PPP6R2: variants seen among roughly 807,000 people sequenced by gnomAD.
PPP6R2 encodes protein phosphatase 6 regulatory subunit 2.
A neutral mutation model predicts 100.2 loss-of-function variants in PPP6R2; 62 were observed. The ratio of observed to expected loss-of-function variants is 0.62; its 90% CI spans 0.50 to 0.76. The LOEUF is 0.76. Among genes scored for constraint, PPP6R2 ranks in the 30% least tolerant of loss-of-function variants. PPP6R2 has a pLI of 0.00. For missense variants in PPP6R2, 1,142 were observed against 1,276.3 expected (o/e 0.89, Z 1.60); for synonymous variants, 525 against 514.7 (o/e 1.02, Z -0.27).
chr22:50,352,957 G>C lies in PPP6R2; in HGVS notation c.-148+9407G>C, dbSNP rs149006693. 7.6e-3 allele frequency among the ~76,000 whole-genome samples: 1,151 copies of C among 152,222 alleles called. 14 individuals are homozygous for C. Among genetic ancestry groups the C allele is most frequent in the African/African-American group, 0.026 (1,094 of 41,536 alleles). On this transcript the variant is annotated intron_variant, in intron 1 of 23. Coordinates refer to ENST00000612753, the MANE Select transcript of PPP6R2 (RefSeq NM_001242898.2). ...TGCATGCCTATAGTCCCAGCTACTG[G>C]GGAGGCTGAGGTAGGAGGATGGCTT...
chr22:50,362,440 T>C, intron 1 of PPP6R2, among the ~76,000 whole-genome samples: 1 of 152,150 alleles, frequency 6.6e-6, no homozygotes, highest in Non-Finnish European at 1.5e-5. Flanking sequence ...CTTGAAGACC[T>C]TGGAATGTGC....
At chr22:50,360,669 G>A (rs1223712491) in intron 1 of PPP6R2, among the ~76,000 whole-genome samples, 1 of 152,180 alleles carries the variant, frequency 6.6e-6, no homozygotes, top group Non-Finnish European at 1.5e-5. Context: ...TGGCCCAGGA[G>A]ATCTGTATTT....
intron 1 of PPP6R2, among the ~76,000 whole-genome samples, chr22:50,370,778 C>T (rs1420905348): frequency 7.9e-5 from 12 of 151,870 alleles, no homozygotes; most frequent in Non-Finnish European, 1.2e-4. Flanking sequence ...GGATTACAGG[C>T]GCCTGCCATT....
upstream of PPP6R2, among the ~76,000 whole-genome samples, chr22:50,339,873 GGTGTGGTGTGTGTGTGGGGT>G (rs2042351696): frequency 3.0e-5 from 3 of 100,818 alleles, no homozygotes; most frequent in African/African-American, 1.1e-4. Flanking sequence ...GTGTGTGTGT[GGTGTGGTGTGTGTGTGGGGT>G]GTGTGGTGTG....
intron 16 of PPP6R2, 50 bp downstream of exon 16, chr22:50,437,653 C>T (rs765413832): frequency 1.3e-6 from 2 of 1,481,924 alleles, no homozygotes; most frequent in African/African-American, 2.8e-5. Flanking sequence ...CTCCCTGCTG[C>T]TGAGCTCCCG....
At chr22:50,390,692 T>C (rs1034570171) in intron 2 of PPP6R2, among the ~76,000 whole-genome samples, 8 of 150,532 alleles carry the variant, frequency 5.3e-5, no homozygotes, top group African/African-American at 1.7e-4. Context: ...ATCCTAAATA[T>C]GTGTCAACAT....
chr22:50,422,306 G>A lies in PPP6R2; in HGVS notation c.898G>A (p.Val300Ile). Residue 300 changes from valine to isoleucine, a missense_variant, in exon 9 of 24, where the codon GTC becomes ATC. By Grantham distance (29) the Val-to-Ile change is conservative. Around this residue, in one of 2 missense-constraint regions of PPP6R2, gnomAD observed 592 missense variants for 758.9 expected, o/e 0.78. Transcript: ENST00000612753. ...TCAGGGACTGGAAAGGTCATACGCT[G>A]TCAGCAGCAGCGTACTACACGGCAT... ...FSQGLERSYA[V>I]SSSVLHGIEP... is the part of the protein sequence containing the mutation. The A allele has an allele frequency of 1.9e-6, 3 of 1,614,176 alleles. No homozygotes were observed. Among genetic ancestry groups the A allele is most frequent in the Non-Finnish European group, 2.5e-6 (3 of 1,180,016 alleles).
the PPP6R2 span, among the ~76,000 whole-genome samples, chr22:50,334,742 G>A: frequency 6.6e-6 from 1 of 152,072 alleles, no homozygotes; most frequent in Non-Finnish European, 1.5e-5. Flanking sequence ...AAGGTGGGTG[G>A]CTCACTTGAG....
intron 22 of PPP6R2, among the ~76,000 whole-genome samples, chr22:50,441,611 T>C (rs1001069282): frequency 2.0e-5 from 3 of 152,148 alleles, no homozygotes; most frequent in Non-Finnish European, 2.9e-5. Context: ...ATCCAAATCC[T>C]GACTGAGAGT....
chr22:50,356,123 C>T (rs1186367286), intron 1 of PPP6R2, among the ~76,000 whole-genome samples: 3 of 151,300 alleles, frequency 2.0e-5, no homozygotes, highest in Non-Finnish European at 4.4e-5. Context: ...CCACCACGCC[C>T]GGCTAATTTT....
intron 1 of PPP6R2, among the ~76,000 whole-genome samples, chr22:50,370,106 A>G (rs1419958656): frequency 6.6e-6 from 1 of 151,804 alleles, no homozygotes; most frequent in Non-Finnish European, 1.5e-5. Flanking sequence ...CATAATTAAC[A>G]TCTATGTACC....
At position 50,438,899 on chromosome 22, in the gene PPP6R2, A is replaced by T. The variant is rs188198014; in HGVS notation, c.2128+137A>T. The T allele has an allele frequency of 1.1e-3, 1,090 of 960,700 alleles. 6 individuals carry two copies. In the African/African-American group the frequency reaches 0.016, roughly 14 times the overall value. The allele number at this position is 960,700 out of a possible 1,614,324, so 59.5% of individuals were successfully genotyped here. The stretch of plus-strand genomic sequence containing the variant: ...TGGCCCGGAGCCTGAATCCCCAGCT[A>T]TTTCCCAGCCGTCCTGAGTAGGGGT... On this transcript the variant is annotated intron_variant, in intron 19 of 23. Coordinates refer to ENST00000612753, the MANE Select transcript of PPP6R2 (RefSeq NM_001242898.2).
intron 2 of PPP6R2, among the ~76,000 whole-genome samples, chr22:50,386,783 A>G (rs2054339661): frequency 6.6e-6 from 1 of 152,194 alleles, no homozygotes; most frequent in South Asian, 2.1e-4. Context: ...CCATTTACCC[A>G]GAGTTTAGTC....
At chr22:50,441,274 T>C (rs1249033793) in intron 22 of PPP6R2, among the ~76,000 whole-genome samples, 3 of 152,020 alleles carry the variant, frequency 2.0e-5, no homozygotes, top group African/African-American at 7.2e-5. Context: ...GTGTTCTCTG[T>C]TGTGAGTGGT....
chr22:50,397,766 GGC>G (rs1210821826), intron 3 of PPP6R2, among the ~76,000 whole-genome samples: 3 of 33,058 alleles, frequency 9.1e-5, no homozygotes, highest in African/African-American at 4.1e-4. Context: ...GGGGCGGGGG[GGC>G]CTGTCCTCAC....
chr22:50,336,169 T>C, the PPP6R2 span, among the ~76,000 whole-genome samples: 1 of 151,388 alleles, frequency 6.6e-6, no homozygotes, highest in Non-Finnish European at 1.5e-5. Flanking sequence ...TTTGTATTTT[T>C]AGTAGAGACG....
At chr22:50,363,931 G>T (rs1396548140) in intron 1 of PPP6R2, among the ~76,000 whole-genome samples, 6 of 139,986 alleles carry the variant, frequency 4.3e-5, no homozygotes, top group African/African-American at 1.6e-4. Context: ...TTTTGCTCTT[G>T]TCGCCCAGGC....
rs1603429646 is a variant in PPP6R2 at position 50,444,581 on chromosome 22, G to A, written c.*334G>A. The stretch of plus-strand genomic sequence containing the variant: ...CCTGAGATGCCACCAGGACCTGATG[G>A]GCCAGGAAGGGCGTGGACATGGAGG... On this transcript the variant is annotated 3_prime_UTR_variant, in exon 24 of 24. Transcript: ENST00000612753. 1 of 324,138 alleles carries A rather than the reference G, an allele frequency of 3.1e-6. No individual in the cohort carries two copies. The allele number at this position is 324,138 out of a possible 1,614,324, so 20.1% of individuals were successfully genotyped here.
intron 2 of PPP6R2, among the ~76,000 whole-genome samples, chr22:50,386,767 C>G (rs774663628): frequency 1.3e-5 from 2 of 152,108 alleles, no homozygotes; most frequent in Admixed American, 6.6e-5. Context: ...TACTTCTACT[C>G]GCAACCCATT....
Sources: gnomAD v4.1 joint callset for allele counts (sites outside exome capture counted in the v4.1 genomes callset) on GRCh38, gnomAD v4.1.1 for gene constraint, gnomAD v4.1.1 regional missense constraint, MANE v1.5 for transcripts, NCBI Gene and HGNC (gene_info 2026-07-23, HGNC 2026-07-21) for gene names.